Variants in IGF1R observed in about 807,000 individuals in gnomAD.
IGF1R encodes the protein insulin like growth factor 1 receptor.
In IGF1R, 44 loss-of-function variants were observed where a neutral mutation model predicts 144.6. The observed-to-expected ratio is 0.30, with a 90% CI of 0.24 to 0.39. IGF1R has a LOEUF of 0.39. Among genes scored for constraint, IGF1R ranks in the 10% least tolerant of loss-of-function variants. The probability of loss-of-function intolerance (pLI) is 1.00; values close to 1 mark genes in which losing one functional copy is unlikely to be tolerated. For missense variants in IGF1R, 1,355 were observed against 1,833.7 expected (o/e 0.74, Z 4.77); for synonymous variants, 795 against 722.8 (o/e 1.10, Z -1.60).
intron 2 of IGF1R, among the ~76,000 whole-genome samples, chr15:98,838,766 T>C: frequency 6.6e-6 from 1 of 152,204 alleles, no homozygotes; most frequent in South Asian, 2.1e-4. Flanking sequence ...CAAAAGGCAC[T>C]CTGAGCATGA....
At chr15:98,947,177 T>C (rs1243591000) in intron 19 of IGF1R, among the ~76,000 whole-genome samples, 2 of 152,188 alleles carry the variant, frequency 1.3e-5, no homozygotes, top group East Asian at 3.9e-4. Context: ...GACGACAGCA[T>C]TTCTTGGTCA....
intron 6 of IGF1R, among the ~76,000 whole-genome samples, chr15:98,910,465 T>A (rs2014960047): frequency 6.6e-6 from 1 of 152,268 alleles, no homozygotes; most frequent in African/African-American, 2.4e-5. Context: ...GCTCTTTTAC[T>A]GTCTTCAGTC....
intron 2 of IGF1R, among the ~76,000 whole-genome samples, chr15:98,800,626 C>T (rs138235352): frequency 1.3e-5 from 2 of 152,274 alleles, no homozygotes; most frequent in African/African-American, 4.8e-5. Flanking sequence ...GGATGCCCTC[C>T]CAGCCCTCCC....
chr15:98,650,298 C>G (rs1253909199), intron 1 of IGF1R, among the ~76,000 whole-genome samples: 1 of 152,204 alleles, frequency 6.6e-6, no homozygotes, highest in Non-Finnish European at 1.5e-5. Flanking sequence ...TCGGGCTCCT[C>G]GGGTTCCTGG....
intron 2 of IGF1R, among the ~76,000 whole-genome samples, chr15:98,875,502 G>C (rs1173517067): frequency 2.0e-5 from 3 of 151,620 alleles, no homozygotes; most frequent in Non-Finnish European, 4.4e-5. Flanking sequence ...ACACATTCTC[G>C]TGTCTGCAAA....
At chr15:98,822,465 C>T (rs903636804) in intron 2 of IGF1R, among the ~76,000 whole-genome samples, 4 of 152,042 alleles carry the variant, frequency 2.6e-5, no homozygotes, top group Non-Finnish European at 4.4e-5. Flanking sequence ...TACAAGGTCC[C>T]GATGTAAAGT....
At chr15:98,663,945 G>A (rs1398834176) in intron 1 of IGF1R, among the ~76,000 whole-genome samples, 3 of 152,224 alleles carry the variant, frequency 2.0e-5, no homozygotes, top group Non-Finnish European at 4.4e-5. Flanking sequence ...ACACATTGTG[G>A]TTCTTGATGA....
chr15:98,717,290 G>A (rs537371347), intron 2 of IGF1R, among the ~76,000 whole-genome samples: 2 of 151,960 alleles, frequency 1.3e-5, no homozygotes, highest in South Asian at 4.2e-4. Context: ...CATCTAACAT[G>A]TTTCCAAGCA....
chr15:98,670,963 TTGGAA>T (rs148253773), intron 1 of IGF1R, among the ~76,000 whole-genome samples: 8,839 of 152,224 alleles, frequency 0.058, 371 homozygotes, highest in Middle Eastern at 0.16. Context: ...CCTTAGGACT[TTGGAA>T]TGAGAAGTTT....
chr15:98,869,844 G>A (rs376463974), intron 2 of IGF1R, among the ~76,000 whole-genome samples: 98 of 152,306 alleles, frequency 6.4e-4, no homozygotes, highest in African/African-American at 2.2e-3. Context: ...TGGAAAGTTT[G>A]CCTATGTAGT....
At chr15:98,857,183 C>T (rs1180783592) in intron 2 of IGF1R, among the ~76,000 whole-genome samples, 1 of 152,146 alleles carries the variant, frequency 6.6e-6, no homozygotes, top group Non-Finnish European at 1.5e-5. Flanking sequence ...AGTGACCCCA[C>T]AATTAAACTG....
chr15:98,816,173 A>G (rs1167841994), intron 2 of IGF1R, among the ~76,000 whole-genome samples: 4 of 152,122 alleles, frequency 2.6e-5, no homozygotes, highest in African/African-American at 4.8e-5. Context: ...GGCCCTAATC[A>G]TGGGTCTCAT....
chr15:98,754,516 G>A (rs913016159), intron 2 of IGF1R, among the ~76,000 whole-genome samples: 25 of 152,142 alleles, frequency 1.6e-4, no homozygotes, highest in Admixed American at 1.4e-3. Context: ...GACCACCAGC[G>A]TTTTCAGCTC....
intron 1 of IGF1R, among the ~76,000 whole-genome samples, chr15:98,682,610 T>G (rs537925202): frequency 3.9e-5 from 6 of 152,214 alleles, no homozygotes; most frequent in African/African-American, 1.4e-4. Context: ...TGCAGTGGCC[T>G]GATCTCGGCT....
At chr15:98,889,789 C>G (rs1160991730) in intron 2 of IGF1R, among the ~76,000 whole-genome samples, 1 of 152,068 alleles carries the variant, frequency 6.6e-6, no homozygotes, top group Non-Finnish European at 1.5e-5. Flanking sequence ...TTTTTTTAAT[C>G]ATGTATTTTT....
intron 17 of IGF1R, among the ~76,000 whole-genome samples, chr15:98,937,253 C>T (rs2016190374): frequency 6.6e-6 from 1 of 152,222 alleles, no homozygotes; most frequent in African/African-American, 2.4e-5. Flanking sequence ...GACTGGAGAT[C>T]TGGCAGAGTA....
chr15:98,957,619 CCTT>C lies in IGF1R; in HGVS notation c.*178_*180del, dbSNP rs2017058708. ...TGCAGTAAAACACATTTGGGATGTTCCTTTTTTCAATATGCAAGCAGCTTTTTA... is the reference window on the plus strand; with the variant it reads ...TGCAGTAAAACACATTTGGGATGTTCTTTTCAATATGCAAGCAGCTTTTTA... On this transcript the variant is annotated 3_prime_UTR_variant, in exon 21 of 21. Transcript: ENST00000650285. 1 of 732,732 alleles carries C rather than the reference CCTT, an allele frequency of 1.4e-6. No individual in the cohort carries two copies. Among genetic ancestry groups the C allele is most frequent in the Non-Finnish European group, 2.2e-6 (1 of 448,022 alleles). The allele number at this position is 732,732 out of a possible 1,614,324, so 45.4% of individuals were successfully genotyped here. A position where few individuals can be genotyped will look rare whatever the true frequency, so the allele number is the denominator to read the frequency against.
chr15:98,749,307 A>G (rs2054947405), intron 2 of IGF1R, among the ~76,000 whole-genome samples: 1 of 152,102 alleles, frequency 6.6e-6, no homozygotes, highest in South Asian at 2.1e-4. Flanking sequence ...GCCAAGGTAA[A>G]AGGTAAAGCT....
At chr15:98,896,451 C>T (rs2014202421) in intron 3 of IGF1R, among the ~76,000 whole-genome samples, 1 of 152,218 alleles carries the variant, frequency 6.6e-6, no homozygotes, top group African/African-American at 2.4e-5. Flanking sequence ...CACATGGAAC[C>T]AGCTGGCTCA....
Sources: gnomAD v4.1 joint callset for allele counts (sites outside exome capture counted in the v4.1 genomes callset) on GRCh38, gnomAD v4.1.1 for gene constraint, MANE v1.5 for transcripts, NCBI Gene and HGNC (gene_info 2026-07-23, HGNC 2026-07-21) for gene names.